Variants in KIAA1217 observed in about 807,000 individuals in gnomAD.
The protein encoded by KIAA1217 is KIAA1217, also known as sickle tail protein homolog.
Under a neutral mutation model 163.9 loss-of-function variants are expected in KIAA1217, and 88 were observed. That is an observed-to-expected ratio of 0.54 (90% CI 0.45 to 0.64). The LOEUF (loss-of-function observed/expected upper bound fraction) is 0.64. Ranked by LOEUF, KIAA1217 falls within the 30% of genes least tolerant of loss-of-function variation. KIAA1217 has a pLI of 0.00. For synonymous variants in KIAA1217, 903 were observed against 923.1 expected (o/e 0.98, Z 0.39); for missense variants, 2,372 against 2,475.0 (o/e 0.96, Z 0.88).
intron 8 of KIAA1217, among the ~76,000 whole-genome samples, chr10:24,498,648 G>A (rs184955803): frequency 8.5e-4 from 129 of 152,158 alleles, no homozygotes; most frequent in African/African-American, 2.7e-3. Flanking sequence ...GCAAAACCCC[G>A]TCTCTACAAA....
At chr10:24,246,550 G>A (rs1379731743) in intron 2 of KIAA1217, among the ~76,000 whole-genome samples, 1 of 152,202 alleles carries the variant, frequency 6.6e-6, no homozygotes, top group Non-Finnish European at 1.5e-5. Flanking sequence ...ATGCCAATGT[G>A]TGAAATACAC....
intron 1 of KIAA1217, among the ~76,000 whole-genome samples, chr10:23,904,762 G>T (rs1182024635): frequency 6.6e-6 from 1 of 151,966 alleles, no homozygotes; most frequent in Admixed American, 6.6e-5. Flanking sequence ...ATAAAATATT[G>T]GTGAGCAGCA....
chr10:23,813,077 T>C (rs1158743722), intron 1 of KIAA1217, among the ~76,000 whole-genome samples: 2 of 152,196 alleles, frequency 1.3e-5, no homozygotes, highest in Non-Finnish European at 2.9e-5. Context: ...GGTTTCAAAG[T>C]CTCTACATTC....
intron 1 of KIAA1217, among the ~76,000 whole-genome samples, chr10:23,976,333 G>T (rs184295098): frequency 1.3e-5 from 2 of 152,264 alleles, no homozygotes; most frequent in Non-Finnish European, 1.5e-5. Flanking sequence ...CAGAAGTTTA[G>T]CTGGACACAT....
chr10:23,976,308 T>C (rs1845537677), intron 1 of KIAA1217, among the ~76,000 whole-genome samples: 1 of 152,202 alleles, frequency 6.6e-6, no homozygotes, highest in Non-Finnish European at 1.5e-5. Flanking sequence ...TCCTAAGCTA[T>C]GGGAATTTAC....
chr10:23,782,277 C>T (rs573219659), intron 1 of KIAA1217, among the ~76,000 whole-genome samples: 2 of 151,846 alleles, frequency 1.3e-5, no homozygotes, highest in Admixed American at 1.3e-4. Flanking sequence ...GATCTTTTAT[C>T]TCCTCAGTTA....
intron 1 of KIAA1217, among the ~76,000 whole-genome samples, chr10:23,919,976 T>C (rs1842795011): frequency 6.6e-6 from 1 of 152,068 alleles, no homozygotes; most frequent in Non-Finnish European, 1.5e-5. Context: ...AGAGAGGGCT[T>C]CCAAGAAATG....
At chr10:24,484,200 CAT>C (rs1477494091) in intron 6 of KIAA1217, among the ~76,000 whole-genome samples, 2 of 128,344 alleles carry the variant, frequency 1.6e-5, no homozygotes, top group African/African-American at 2.9e-5. Context: ...TATTGATATA[CAT>C]ATATATAGAT....
intron 1 of KIAA1217, among the ~76,000 whole-genome samples, chr10:23,813,899 G>T (rs562652212): frequency 6.6e-6 from 1 of 152,182 alleles, no homozygotes. Context: ...AGTAGTAACT[G>T]TGTGAACATT....
At chr10:24,076,816 GA>G (rs1304028655) in intron 2 of KIAA1217, among the ~76,000 whole-genome samples, 1 of 151,298 alleles carries the variant, frequency 6.6e-6, no homozygotes, top group African/African-American at 2.4e-5. Context: ...TGTTTTAAAA[GA>G]AAAAGATGCT....
At chr10:24,122,407 T>A (rs2063317258) in intron 2 of KIAA1217, among the ~76,000 whole-genome samples, 1 of 152,172 alleles carries the variant, frequency 6.6e-6, no homozygotes, top group Admixed American at 6.5e-5. Context: ...TTAATGGGCA[T>A]CTAGGTTGAT....
At chr10:23,812,466 A>T (rs1837112690) in intron 1 of KIAA1217, among the ~76,000 whole-genome samples, 1 of 151,186 alleles carries the variant, frequency 6.6e-6, no homozygotes, top group Non-Finnish European at 1.5e-5. Flanking sequence ...AGATGAAATA[A>T]TGAAACTAAT....
intron 2 of KIAA1217, among the ~76,000 whole-genome samples, chr10:24,271,408 T>C (rs747677658): frequency 6.6e-6 from 1 of 152,158 alleles, no homozygotes; most frequent in Non-Finnish European, 1.5e-5. Flanking sequence ...ATTTCAGTTC[T>C]GACTATAACC....
At chr10:24,228,719 T>G (rs1174503207) in intron 2 of KIAA1217, among the ~76,000 whole-genome samples, 1 of 152,188 alleles carries the variant, frequency 6.6e-6, no homozygotes, top group Admixed American at 6.5e-5. Flanking sequence ...TTTGTTGTAT[T>G]CAGGTTTTGG....
intron 1 of KIAA1217, among the ~76,000 whole-genome samples, chr10:24,209,629 T>A (rs2067815503): frequency 6.6e-6 from 1 of 152,194 alleles, no homozygotes; most frequent in African/African-American, 2.4e-5. Flanking sequence ...TTTGTGAAAC[T>A]GTCTCTAGGA....
intron 1 of KIAA1217, among the ~76,000 whole-genome samples, chr10:23,884,074 G>A (rs1841070150): frequency 6.6e-6 from 1 of 151,918 alleles, no homozygotes; most frequent in African/African-American, 2.4e-5. Flanking sequence ...ACACGTCTGT[G>A]TACAGATTTT....
chr10:24,241,907 G>C (rs531773509), intron 2 of KIAA1217, among the ~76,000 whole-genome samples: 3 of 152,144 alleles, frequency 2.0e-5, no homozygotes, highest in Non-Finnish European at 4.4e-5. Context: ...TCTTAATGAA[G>C]TATTGAGTAG....
At chr10:24,508,950 T>A (rs2068732574) in intron 9 of KIAA1217, among the ~76,000 whole-genome samples, 1 of 152,200 alleles carries the variant, frequency 6.6e-6, no homozygotes, top group Admixed American at 6.5e-5. Context: ...TGATAAAATA[T>A]ATAGCTGTCT....
At chr10:24,507,293 A>C (rs918164077) in intron 9 of KIAA1217, among the ~76,000 whole-genome samples, 1 of 152,314 alleles carries the variant, frequency 6.6e-6, no homozygotes, top group African/African-American at 2.4e-5. Flanking sequence ...ATTACTAGAC[A>C]TGTGATGATG....
Sources: gnomAD v4.1 joint callset for allele counts (sites outside exome capture counted in the v4.1 genomes callset) on GRCh38, gnomAD v4.1.1 for gene constraint, MANE v1.5 for transcripts, NCBI Gene and HGNC (gene_info 2026-07-23, HGNC 2026-07-21) for gene names.